The following EDA variants were observed in gnomAD, a reference collection of about 807,000 sequenced individuals.
The protein encoded by EDA is ectodysplasin A.
Under a neutral mutation model 23.6 loss-of-function variants are expected in EDA, and 2 were observed. The observed-to-expected ratio is 0.08, with a 90% CI of 0.03 to 0.27. The LOEUF is 0.27. Among genes scored for constraint, EDA ranks in the 10% least tolerant of loss-of-function variants. The pLI, the probability that EDA is intolerant of heterozygous loss-of-function variation, is 1.00. For synonymous variants in EDA, 131 were observed against 132.0 expected, an observed-to-expected ratio of 0.99 and a Z score of 0.05; for missense variants, 229 against 324.2, an observed-to-expected ratio of 0.71 and a Z score of 2.26.
chrX:69,908,300 G>A (rs768446829), intron 1 of EDA, among the ~76,000 whole-genome samples: 5 of 110,649 alleles, frequency 4.5e-5, no homozygotes, highest in African/African-American at 9.8e-5. Flanking sequence ...TATATCTTGT[G>A]TTATCCTTGT....
At chrX:69,903,962 C>G (rs971491356) in intron 1 of EDA, among the ~76,000 whole-genome samples, 7 of 110,117 alleles carry the variant, frequency 6.4e-5, no homozygotes, top group African/African-American at 9.9e-5. Flanking sequence ...AGGCGCCCAC[C>G]ACCATGCCTG....
At chrX:69,867,294 C>T (rs1226072304) in intron 1 of EDA, among the ~76,000 whole-genome samples, 1 of 111,967 alleles carries the variant, frequency 8.9e-6, no homozygotes, top group South Asian at 3.8e-4. Flanking sequence ...CAGAATGAGT[C>T]ATCCTATTCA....
intron 1 of EDA, among the ~76,000 whole-genome samples, chrX:69,838,531 G>A (rs1222142242): frequency 8.9e-6 from 1 of 112,476 alleles, no homozygotes; most frequent in Non-Finnish European, 1.9e-5. Flanking sequence ...GGAAGCTGAG[G>A]CAGGACAATG....
chrX:69,746,944 G>A (rs919123409), intron 1 of EDA, among the ~76,000 whole-genome samples: 1 of 111,031 alleles, frequency 9.0e-6, no homozygotes, highest in African/African-American at 3.3e-5. Context: ...TCATTAAGAG[G>A]TTTAACACTC....
chrX:69,894,809 G>A (rs2017986640), intron 1 of EDA, among the ~76,000 whole-genome samples: 1 of 111,911 alleles, frequency 8.9e-6, no homozygotes, highest in African/African-American at 3.3e-5. Flanking sequence ...CTTTTAGGCA[G>A]AGACTATGGG....
intron 1 of EDA, among the ~76,000 whole-genome samples, chrX:69,709,813 A>T (rs2011897826): frequency 9.0e-6 from 1 of 111,116 alleles, no homozygotes. Flanking sequence ...AGCATTTTAA[A>T]CTGATGTTGT....
chrX:69,794,440 C>T (rs2015493550), intron 1 of EDA, among the ~76,000 whole-genome samples: 1 of 111,927 alleles, frequency 8.9e-6, no homozygotes, highest in Admixed American at 9.5e-5. Flanking sequence ...CCAGTGTACC[C>T]TTCACTCATA....
intron 1 of EDA, among the ~76,000 whole-genome samples, chrX:69,658,511 G>A (rs763040113): frequency 1.8e-5 from 2 of 110,647 alleles, no homozygotes; most frequent in African/African-American, 6.6e-5. Flanking sequence ...CATGAATGTA[G>A]AACTCAAGTT....
At chrX:69,719,300 G>GTT (rs1333033598) in intron 1 of EDA, among the ~76,000 whole-genome samples, 1 of 105,582 alleles carries the variant, frequency 9.5e-6, no homozygotes, top group Non-Finnish European at 2.0e-5. Context: ...ATTTAAAAAT[G>GTT]TTTTCCTCAT....
At chrX:69,702,921 C>T (rs1373112679) in intron 1 of EDA, among the ~76,000 whole-genome samples, 1 of 108,908 alleles carries the variant, frequency 9.2e-6, no homozygotes, top group Non-Finnish European at 1.9e-5. Flanking sequence ...GTGTTTAGGG[C>T]GGATATTTTG....
chrX:70,028,566 A>G (rs1363299968), intron 4 of EDA, among the ~76,000 whole-genome samples: 2 of 112,710 alleles, frequency 1.8e-5, no homozygotes, highest in Non-Finnish European at 3.8e-5. Context: ...TCAAGAAGTT[A>G]GAAACTTAAG....
intron 2 of EDA, among the ~76,000 whole-genome samples, chrX:69,993,535 A>G (rs2019618451): frequency 8.9e-6 from 1 of 112,281 alleles, no homozygotes; most frequent in South Asian, 3.7e-4. Flanking sequence ...TAAGTTGCCT[A>G]GGCCACACAG....
intron 1 of EDA, among the ~76,000 whole-genome samples, chrX:69,645,616 G>GTGTGTATATATATATA (rs763666936): frequency 0.36 from 20,263 of 56,132 alleles, 5,170 homozygotes; most frequent in East Asian, 0.68. Context: ...ATATATATAT[G>GTGTGTATATATATATA]TGTGTGTATA....
chrX:69,652,574 T>C (rs1452952377), intron 1 of EDA, among the ~76,000 whole-genome samples: 1 of 111,646 alleles, frequency 9.0e-6, no homozygotes, highest in East Asian at 2.8e-4. Flanking sequence ...CTAGCTTAAA[T>C]ACTCCCAACA....
At chrX:69,800,710 A>G (rs2015663518) in intron 1 of EDA, among the ~76,000 whole-genome samples, 1 of 111,842 alleles carries the variant, frequency 8.9e-6, no homozygotes, top group Admixed American at 9.5e-5. Context: ...TCCATTTGTT[A>G]CCACATTTTA....
intron 1 of EDA, among the ~76,000 whole-genome samples, chrX:69,847,500 A>G: frequency 9.0e-6 from 1 of 110,976 alleles, no homozygotes; most frequent in Non-Finnish European, 1.9e-5. Context: ...CCAACCACTG[A>G]TTTGTTTTGT....
At chrX:69,909,010 A>C (rs2018218673) in intron 1 of EDA, among the ~76,000 whole-genome samples, 1 of 110,910 alleles carries the variant, frequency 9.0e-6, no homozygotes, top group Non-Finnish European at 1.9e-5. Context: ...CTGAGATTTT[A>C]TGATTACTAT....
chrX:69,962,416 G>C (rs1244210094), intron 2 of EDA, among the ~76,000 whole-genome samples: 1 of 112,142 alleles, frequency 8.9e-6, no homozygotes, highest in African/African-American at 3.2e-5. Flanking sequence ...GTTAATGTCT[G>C]CAAAAGTACC....
In EDA at chrX:69,994,971, G is replaced by A. The variant is rs1299403946; in HGVS notation, c.503-28247G>A. On this transcript the variant is annotated intron_variant, in intron 2 of 7. Coordinates refer to ENST00000374552, the MANE Select transcript of EDA (RefSeq NM_001399.5). ...AGCTGTCTATTGAAATTTCTTTACA[G>A]TATCAAATAAAATGGGAACAGATGC... Among the ~76,000 whole-genome samples the A allele has an allele frequency of 3.6e-5, 4 of 112,294 alleles. No homozygotes were observed. In the East Asian group the frequency reaches 1.1e-3, roughly 31 times the overall value.
Sources: gnomAD v4.1 joint callset for allele counts (sites outside exome capture counted in the v4.1 genomes callset) on GRCh38, gnomAD v4.1.1 for gene constraint, MANE v1.5 for transcripts, NCBI Gene and HGNC (gene_info 2026-07-23, HGNC 2026-07-21) for gene names.